The following STARD13 variants were observed in gnomAD, a reference collection of about 807,000 sequenced individuals.
The protein encoded by STARD13 is stAR-related lipid transfer protein 13.
STARD13 carries 62 observed loss-of-function variants against 106.4 expected under a neutral mutation model. That is an observed-to-expected ratio of 0.58 (90% CI 0.48 to 0.72). The LOEUF is 0.72. STARD13 is among the 30% of genes least tolerant of loss of function. STARD13 has a pLI of 0.00. For missense variants in STARD13, 1,387 were observed against 1,424.0 expected, an observed-to-expected ratio of 0.97 and a Z score of 0.42; for synonymous variants, 565 against 553.0, an observed-to-expected ratio of 1.02 and a Z score of -0.31.
At chr13:33,652,946 T>C in the STARD13 span, among the ~76,000 whole-genome samples, 1 of 152,050 alleles carries the variant, frequency 6.6e-6, no homozygotes, top group East Asian at 1.9e-4. Context: ...AAGAAGAAAA[T>C]ACTTAGGATA....
rs1878159351 is a variant in STARD13 at position 33,130,676 on chromosome 13, C to T, written c.388-387G>A. ...TTTTTCACAAAGGAACTCAACTCTG[C>T]CATAAAAGGCACTTACTTCTTTCCA... On this transcript the variant is annotated intron_variant, in intron 4 of 13. Coordinates refer to ENST00000336934, the MANE Select transcript of STARD13 (RefSeq NM_178006.4). The surrounding 1 kb of genome is among the most constrained non-coding windows in gnomAD (Gnocchi z 4.1). Among the ~76,000 whole-genome samples the T allele has an allele frequency of 6.6e-6, 1 of 152,178 alleles. No individual in the cohort carries two copies. Among genetic ancestry groups the T allele is most frequent in the Non-Finnish European group, 1.5e-5 (1 of 68,032 alleles).
At chr13:33,167,013 ACC>A (rs1289872460) in intron 2 of STARD13, among the ~76,000 whole-genome samples, 1,553 of 146,140 alleles carry the variant, frequency 0.011, 39 homozygotes, top group African/African-American at 0.035. Context: ...CAAAAAAAAA[ACC>A]AAAAAAAAAT....
chr13:33,247,198 GATAA>G lies in STARD13; in HGVS notation c.169+38268_169+38271del, dbSNP rs898318917. On this transcript the variant is annotated intron_variant, in intron 1 of 13. Transcript: ENST00000336934. ...GGTGACAGAGTGAGACTCTGTCTCG[GATAA>G]ATAAATAAATAAATAAATTAAATAA... Among the ~76,000 whole-genome samples, 622 of 148,860 alleles carry G rather than the reference GATAA, an allele frequency of 4.2e-3. 4 individuals are homozygous for G. The highest frequency in any genetic ancestry group is 0.014 in the African/African-American group (580 of 40,890).
chr13:33,430,537 TA>T, the STARD13 span, among the ~76,000 whole-genome samples: 1 of 152,158 alleles, frequency 6.6e-6, no homozygotes, highest in Non-Finnish European at 1.5e-5. Context: ...AACCTAAAAA[TA>T]GAGCTACCAT....
rs577098781 is a variant in STARD13 at position 33,103,356 on chromosome 13, CCTTT to C, written c.*2233_*2236del. ...ACAAGCTTGATGCATCGTTTTTTCT[CCTTT>C]TTTTCCCTTTTCCTTGTTTTAAAAA... is the stretch of plus-strand genomic sequence containing the variant. On this transcript the variant is annotated 3_prime_UTR_variant, in exon 14 of 14. Transcript: ENST00000336934. The C allele has an allele frequency of 2.0e-5, 3 of 152,552 alleles. No individual in the cohort carries two copies. The highest frequency in any genetic ancestry group is 2.9e-5 in the Non-Finnish European group (2 of 68,004). 9.4% of individuals were successfully genotyped at this position (152,552 alleles called of 1,614,324 possible).
chr13:33,105,197 T>C lies in STARD13; in HGVS notation c.*396A>G, dbSNP rs1465306809. 1.9e-5 allele frequency: 3 copies of C among 159,816 alleles called. No individual in the cohort carries two copies. Among genetic ancestry groups the C allele is most frequent in the Non-Finnish European group, 4.2e-5 (3 of 72,152 alleles). The allele number at this position is 159,816 out of a possible 1,614,324, so 9.9% of individuals were successfully genotyped here. The stretch of plus-strand genomic sequence containing the variant: ...TCAAAACACACAATTCTATATAAAA[T>C]TGGTATTTTACATATATACAGTAAA... On this transcript the variant is annotated 3_prime_UTR_variant, in exon 14 of 14. Coordinates refer to ENST00000336934, the MANE Select transcript of STARD13 (RefSeq NM_178006.4).
the STARD13 span, among the ~76,000 whole-genome samples, chr13:33,404,773 CTTTTTT>C: frequency 8.2e-6 from 1 of 122,250 alleles, no homozygotes; most frequent in African/African-American, 3.1e-5. Flanking sequence ...ACCTCTGGGA[CTTTTTT>C]TTTTTTTTTT....
the STARD13 span, among the ~76,000 whole-genome samples, chr13:33,596,233 C>A: frequency 2.6e-5 from 4 of 152,294 alleles, no homozygotes; most frequent in African/African-American, 4.8e-5. Context: ...GTGTTTTCAT[C>A]ATTTCTATGA....
the STARD13 span, among the ~76,000 whole-genome samples, chr13:33,391,046 T>A: frequency 2.6e-5 from 4 of 152,138 alleles, no homozygotes; most frequent in Non-Finnish European, 5.9e-5. Context: ...CCCTTCTTAT[T>A]GACTAGAAAA....
chr13:33,404,607 T>G, the STARD13 span, among the ~76,000 whole-genome samples: 1 of 151,990 alleles, frequency 6.6e-6, no homozygotes, highest in South Asian at 2.1e-4. Flanking sequence ...AGTAAGATCT[T>G]GGGGTAGAAA....
At chr13:33,567,879 C>T in the STARD13 span, among the ~76,000 whole-genome samples, 6 of 147,892 alleles carry the variant, frequency 4.1e-5, 1 homozygote, top group Non-Finnish European at 9.0e-5. Context: ...TCCATTATAA[C>T]CACTGATGCT....
the STARD13 span, among the ~76,000 whole-genome samples, chr13:33,595,277 T>G: frequency 1.9e-4 from 29 of 152,190 alleles, no homozygotes; most frequent in African/African-American, 6.8e-4. Context: ...CAAATAAAAG[T>G]ATGTTACAGC....
chr13:33,210,853 T>G (rs2138136050), intron 1 of STARD13, among the ~76,000 whole-genome samples: 1 of 152,324 alleles, frequency 6.6e-6, no homozygotes, highest in Middle Eastern at 3.4e-3. Context: ...GCTGGCATTC[T>G]AAAGAGGGCA....
chr13:33,504,099 G>T, the STARD13 span, among the ~76,000 whole-genome samples: 1 of 152,112 alleles, frequency 6.6e-6, no homozygotes, highest in Non-Finnish European at 1.5e-5. Context: ...AAAAAGTCTG[G>T]AAACAATGGG....
chr13:33,556,167 T>C, the STARD13 span, among the ~76,000 whole-genome samples: 1 of 152,194 alleles, frequency 6.6e-6, no homozygotes, highest in Admixed American at 6.5e-5. Flanking sequence ...TAAAATAAAA[T>C]CAAGATGATG....
the STARD13 span, among the ~76,000 whole-genome samples, chr13:33,511,134 A>C: frequency 6.6e-6 from 1 of 152,088 alleles, no homozygotes; most frequent in Admixed American, 6.6e-5. Context: ...CAACATGGCA[A>C]AACTCCTTCT....
At chr13:33,268,819 A>G (rs1891027630) in intron 1 of STARD13, among the ~76,000 whole-genome samples, 1 of 152,258 alleles carries the variant, frequency 6.6e-6, no homozygotes, top group Non-Finnish European at 1.5e-5. Context: ...TCAGATTATT[A>G]GCATCAATCA....
At chr13:33,160,314 T>C (rs57746897) in intron 3 of STARD13, among the ~76,000 whole-genome samples, 28,697 of 152,012 alleles carry the variant, frequency 0.19, 4,264 homozygotes, top group African/African-American at 0.41. Flanking sequence ...GGATCATAGG[T>C]CTAAATATAA....
chr13:33,630,905 T>C, the STARD13 span, among the ~76,000 whole-genome samples: 1 of 152,238 alleles, frequency 6.6e-6, no homozygotes, highest in Non-Finnish European at 1.5e-5. Context: ...CTTACTGGTA[T>C]AGTTACTGAG....
Sources: gnomAD v4.1 joint callset for allele counts (sites outside exome capture counted in the v4.1 genomes callset) on GRCh38, gnomAD v4.1.1 for gene constraint, Gnocchi (gnomAD v3.1) non-coding constraint, MANE v1.5 for transcripts, NCBI Gene and HGNC (gene_info 2026-07-23, HGNC 2026-07-21) for gene names.